CDC16: variants seen among roughly 807,000 people sequenced by gnomAD.
CDC16 encodes cell division cycle protein 16 homolog.
CDC16 carries 34 observed loss-of-function variants against 87.0 expected under a neutral mutation model. That is an observed-to-expected ratio of 0.39 (90% CI 0.30 to 0.52). The LOEUF is 0.52. Among genes scored for constraint, CDC16 ranks in the 20% least tolerant of loss-of-function variants. The pLI is 0.74. For synonymous variants in CDC16, 263 were observed against 260.6 expected (o/e 1.01, Z -0.09); for missense variants, 653 against 751.9 (o/e 0.87, Z 1.54).
At chr13:114,239,222 G>A in intron 4 of CDC16, 128 bp from the exon 5 acceptor site, 1 of 1,454,380 alleles carries the variant, frequency 6.9e-7, no homozygotes, top group Middle Eastern at 1.8e-4. Context: ...CATGCATGAA[G>A]AAAATTCTAC....
At chr13:114,237,420 G>A (rs2081311067) in intron 3 of CDC16, among the ~76,000 whole-genome samples, 1 of 151,962 alleles carries the variant, frequency 6.6e-6, no homozygotes, top group African/African-American at 2.4e-5. Context: ...CTCCCTAATA[G>A]CTGGGACTAC....
chr13:114,258,080 C>T (rs913929024), intron 13 of CDC16, among the ~76,000 whole-genome samples: 7 of 152,188 alleles, frequency 4.6e-5, no homozygotes, highest in East Asian at 1.9e-4. Flanking sequence ...CCTCCACGCT[C>T]GGCTGTAAAT....
chr13:114,264,665 G>A, intron 16 of CDC16, among the ~76,000 whole-genome samples: 1 of 152,126 alleles, frequency 6.6e-6, no homozygotes. Context: ...AGGCTAGAGT[G>A]CAGTGGTACG....
At chr13:114,245,106 A>G in intron 9 of CDC16, 137 bp downstream of exon 9, 2 of 523,330 alleles carry the variant, frequency 3.8e-6, no homozygotes. Context: ...TAAAAGTAAC[A>G]ACTGGGGAGG....
chr13:114,243,208 C>T (rs755185322), intron 6 of CDC16, 49 bp from the exon 7 acceptor site: 12 of 849,552 alleles, frequency 1.4e-5, no homozygotes, highest in Non-Finnish European at 2.0e-5. Flanking sequence ...GGCTTTTTCC[C>T]CTCTATAAAT....
chr13:114,272,134 A>G (rs764174476), intron 17 of CDC16, 50 bp from the exon 18 acceptor site: 15 of 1,052,076 alleles, frequency 1.4e-5, no homozygotes, highest in Non-Finnish European at 1.9e-5. Flanking sequence ...AATAGAAATG[A>G]TAAGTGATGG....
chr13:114,251,022 T>C lies in CDC16; in HGVS notation c.1097+348T>C, dbSNP rs2082143553. On this transcript the variant is annotated intron_variant, in intron 12 of 17. Coordinates refer to ENST00000356221, the MANE Select transcript of CDC16 (RefSeq NM_001078645.3). ...ATCTATTACCAAAAGGTATTTGATG[T>C]GGCTTAGTGGTAGGTGCAGGACTGT... Among the ~76,000 whole-genome samples the C allele has an allele frequency of 1.3e-5, 2 of 152,250 alleles. 1 individual carries two copies.
chr13:114,241,478 A>G (rs1468224392), intron 5 of CDC16, among the ~76,000 whole-genome samples: 3 of 152,098 alleles, frequency 2.0e-5, no homozygotes, highest in African/African-American at 7.2e-5. Flanking sequence ...CACACTGTCA[A>G]TCTTGGAGTT....
intron 12 of CDC16, among the ~76,000 whole-genome samples, chr13:114,254,076 T>G (rs2082356967): frequency 1.3e-5 from 2 of 152,194 alleles, no homozygotes; most frequent in Non-Finnish European, 2.9e-5. Context: ...ATACTTTTTT[T>G]TATAAAGTCT....
intron 1 of CDC16, among the ~76,000 whole-genome samples, chr13:114,235,854 G>A (rs1036463955): frequency 6.6e-6 from 1 of 152,162 alleles, no homozygotes; most frequent in Non-Finnish European, 1.5e-5. Flanking sequence ...GTTGAATTCA[G>A]TGTTTTCTGA....
At chr13:114,242,451 C>A in intron 6 of CDC16, 171 bp downstream of exon 6, 1 of 625,392 alleles carries the variant, frequency 1.6e-6, no homozygotes, top group Admixed American at 3.1e-5. Flanking sequence ...CAGTATTGTA[C>A]GGTGCCTTGT....
At chr13:114,240,975 G>A (rs189783813) in intron 5 of CDC16, among the ~76,000 whole-genome samples, 58 of 152,156 alleles carry the variant, frequency 3.8e-4, no homozygotes, top group Admixed American at 5.9e-4. Context: ...TGCTTAGTTC[G>A]AAGACTCTCA....
chr13:114,255,683 C>T (rs2082454741), intron 12 of CDC16, among the ~76,000 whole-genome samples: 1 of 152,196 alleles, frequency 6.6e-6, no homozygotes, highest in Admixed American at 6.5e-5. Flanking sequence ...CACTCTCTTG[C>T]CCAGGCTGGA....
intron 13 of CDC16, 83 bp from the exon 14 acceptor site, chr13:114,259,252 A>T: frequency 1.2e-6 from 1 of 821,796 alleles, no homozygotes; most frequent in Non-Finnish European, 1.9e-6. Flanking sequence ...TTTTAGTACT[A>T]CTAGAAAGGT....
intron 6 of CDC16, chr13:114,242,517 G>C: frequency 2.1e-6 from 1 of 474,394 alleles, no homozygotes; most frequent in Non-Finnish European, 3.7e-6. Flanking sequence ...AGAAGTGATT[G>C]AGATAGTATA....
chr13:114,241,026 C>T lies in CDC16; in HGVS notation c.382-1095C>T, dbSNP rs541971925. 9.9e-5 allele frequency among the ~76,000 whole-genome samples: 15 copies of T among 152,238 alleles called. No individual in the cohort carries two copies. The South Asian group carries it at 2.1e-3, about 21-fold the overall frequency. On this transcript the variant is annotated intron_variant, in intron 5 of 17. Coordinates refer to ENST00000356221, the MANE Select transcript of CDC16 (RefSeq NM_001078645.3). ...TCTAAAATTTTACTTTATGAATCTT[C>T]TTCATATCCTTAATGATACTAGCTG...
In CDC16 at chr13:114,234,918, G is replaced by A. The variant is rs1281557490; in HGVS notation, c.-167G>A. ...GGGCAGTGCACGGGGCCTGGGTGGGGGGTGCGGGTGTGGGTGGGGACCTGC... is the reference window on the plus strand; with the variant it reads ...GGGCAGTGCACGGGGCCTGGGTGGGAGGTGCGGGTGTGGGTGGGGACCTGC... On this transcript the variant is annotated 5_prime_UTR_variant, in exon 1 of 18. Transcript: ENST00000356221. The A allele has an allele frequency of 7.4e-6, 3 of 405,382 alleles. No homozygotes were observed. Among genetic ancestry groups the A allele is most frequent in the Non-Finnish European group, 8.5e-6 (2 of 235,036 alleles). The allele number at this position is 405,382 out of a possible 1,614,324, so 25.1% of individuals were successfully genotyped here.
chr13:114,244,976 C>CT lies in CDC16; in HGVS notation c.847+15dup, dbSNP rs745762677. On this transcript the variant is annotated splice_region_variant and intron_variant, in intron 9 of 17. Coordinates refer to ENST00000356221, the MANE Select transcript of CDC16 (RefSeq NM_001078645.3). ...GAGCTGAATAAAGCCAATGGTAAGA[C>CT]TTTTTTTTAAATTAAAGTAATTCTT... 8.4e-5 allele frequency: 126 copies of CT among 1,505,930 alleles called. No individual in the cohort carries two copies. The highest frequency in any genetic ancestry group is 1.5e-4 in the South Asian group (13 of 84,058). 93.3% of individuals were successfully genotyped at this position (1,505,930 alleles called of 1,614,324 possible). A position where few individuals can be genotyped will look rare whatever the true frequency, so the allele number is the denominator to read the frequency against.
intron 11 of CDC16, among the ~76,000 whole-genome samples, chr13:114,248,213 ACT>A (rs2081972955): frequency 1.3e-5 from 2 of 152,328 alleles, no homozygotes; most frequent in South Asian, 2.1e-4. Context: ...AATTACTTAA[ACT>A]CTGTAAATGT....
Sources: allele counts gnomAD v4.1 joint callset (sites outside exome capture counted in the v4.1 genomes callset), GRCh38; gene constraint gnomAD v4.1.1; transcripts MANE v1.5; gene names NCBI Gene and HGNC (gene_info 2026-07-23, HGNC 2026-07-21).